CALN1: variants seen among roughly 807,000 people sequenced by gnomAD.
The protein encoded by CALN1 is calneuron 1.
CALN1 carries 17 observed loss-of-function variants against 30.6 expected under a neutral mutation model. That is an observed-to-expected ratio of 0.56 (90% confidence interval 0.38 to 0.83). The LOEUF (loss-of-function observed/expected upper bound fraction) is 0.83. Ranked by LOEUF, CALN1 falls within the 40% of genes least tolerant of loss-of-function variation. The pLI, the probability that CALN1 is intolerant of heterozygous loss-of-function variation, is 0.00. For synonymous variants in CALN1, 156 were observed against 131.4 expected, an observed-to-expected ratio of 1.19 and a Z score of -1.28; for missense variants, 291 against 354.9, an observed-to-expected ratio of 0.82 and a Z score of 1.45.
At chr7:72,359,394 G>A (rs572933155) in intron 2 of CALN1, among the ~76,000 whole-genome samples, 154 of 152,132 alleles carry the variant, frequency 1.0e-3, no homozygotes, top group Non-Finnish European at 1.6e-3. Flanking sequence ...ACTTTCTTGC[G>A]TTTCTTTCCA....
chr7:72,185,351 A>G (rs1015801630), intron 3 of CALN1, among the ~76,000 whole-genome samples: 8 of 152,184 alleles, frequency 5.3e-5, no homozygotes, highest in African/African-American at 1.9e-4. Context: ...GAATGAGCTT[A>G]TAACAAACAG....
the CALN1 span, among the ~76,000 whole-genome samples, chr7:72,501,780 G>A: frequency 6.7e-6 from 1 of 149,686 alleles, no homozygotes; most frequent in Non-Finnish European, 1.5e-5. Flanking sequence ...GTGGTGGTGG[G>A]CGCCTGTAGT....
chr7:72,264,093 A>T (rs568609465), intron 3 of CALN1, among the ~76,000 whole-genome samples: 11 of 152,286 alleles, frequency 7.2e-5, no homozygotes, highest in African/African-American at 2.6e-4. Context: ...CCGAGCCAAA[A>T]CTAATTGGTT....
At position 71,790,822 on chromosome 7, in the gene CALN1, A is replaced by T. The variant is rs1379962424; in HGVS notation, c.659-2920T>A. ...CTAGACATCCACTCGGGAGTTTCTG[A>T]TTCAGTAGGCCCGGAGTAGGATGGA... On this transcript the variant is annotated intron_variant, in intron 6 of 6. Coordinates refer to ENST00000395275, the MANE Select transcript of CALN1 (RefSeq NM_031468.4). 2.6e-5 allele frequency among the ~76,000 whole-genome samples: 4 copies of T among 152,110 alleles called. No homozygotes were observed. In the East Asian group the frequency reaches 7.7e-4, roughly 29 times the overall value.
At chr7:72,028,087 A>T (rs1195627059) in intron 4 of CALN1, among the ~76,000 whole-genome samples, 1 of 133,186 alleles carries the variant, frequency 7.5e-6, no homozygotes, top group Non-Finnish European at 1.6e-5. Context: ...AAAAAAAAAC[A>T]CATGAGACCT....
chr7:72,270,185 A>G lies in CALN1; in HGVS notation c.244+8501T>C, dbSNP rs574481581. ...AAATGTTAAAAAGTAAGCCAGGCAC[A>G]ATGGATCATGCCTATAATCCCAACT... On this transcript the variant is annotated intron_variant, in intron 3 of 6. Coordinates refer to ENST00000395275, the MANE Select transcript of CALN1 (RefSeq NM_031468.4). Among the ~76,000 whole-genome samples, 23 of 152,168 alleles carry G rather than the reference A, an allele frequency of 1.5e-4. 1 individual carries two copies. Among genetic ancestry groups the G allele is most frequent in the Admixed American group, 1.5e-3 (23 of 15,252 alleles).
intron 2 of CALN1, among the ~76,000 whole-genome samples, chr7:72,375,384 A>G (rs1804496108): frequency 6.6e-6 from 1 of 151,898 alleles, no homozygotes; most frequent in African/African-American, 2.4e-5. Context: ...GCAACATAGT[A>G]AGACCCTGGC....
chr7:71,840,968 A>C (rs1380970113), intron 5 of CALN1, among the ~76,000 whole-genome samples: 5 of 152,146 alleles, frequency 3.3e-5, no homozygotes, highest in Admixed American at 6.5e-5. Flanking sequence ...AAAAAAAAAA[A>C]ACCTTTTTAA....
chr7:72,263,892 G>A (rs1281497566), intron 3 of CALN1, among the ~76,000 whole-genome samples: 3 of 152,068 alleles, frequency 2.0e-5, no homozygotes, highest in Admixed American at 2.0e-4. Flanking sequence ...CCAAATTAAT[G>A]TCCTCCTGCA....
intron 2 of CALN1, among the ~76,000 whole-genome samples, chr7:72,345,589 A>G (rs1372227111): frequency 6.6e-6 from 1 of 151,678 alleles, no homozygotes; most frequent in Non-Finnish European, 1.5e-5. Flanking sequence ...AAGGAAAGGA[A>G]GAAAAAGCAA....
At position 72,403,299 on chromosome 7, in the gene CALN1, C is replaced by G. The variant is rs767109176; in HGVS notation, c.71G>C (p.Gly24Ala). 1.0e-5 allele frequency: 16 copies of G among 1,550,490 alleles called. No individual in the cohort carries two copies. Among genetic ancestry groups the G allele is most frequent in the Non-Finnish European group, 1.3e-5 (15 of 1,147,076 alleles). ...NEKKGDGGAL[G>A]GGEEPPRSQA... ...GCTCCTCGGCGGCTCCTCTCCCCCT[C>G]CGAGGGCTCCTCCGTCCCCCTTTTT... The change falls in exon 2 of 7, where the codon GGA (glycine) becomes GCA (alanine). Residue 24 changes from glycine to alanine, a missense_variant. Coordinates refer to ENST00000395275, the MANE Select transcript of CALN1 (RefSeq NM_031468.4).
intron 3 of CALN1, among the ~76,000 whole-genome samples, chr7:72,116,871 G>A (rs940084076): frequency 1.3e-5 from 2 of 152,186 alleles, no homozygotes; most frequent in Non-Finnish European, 2.9e-5. Context: ...CTGAGAAAGT[G>A]CCCGAGGTAG....
rs1328228311 is a variant in CALN1, at chr7:72,104,221, CT to C, written c.388+1929del. 8 of 152,754 alleles carry C rather than the reference CT, an allele frequency of 5.2e-5. No homozygotes were observed. In the East Asian group the frequency reaches 1.5e-3, roughly 30 times the overall value. 9.5% of individuals were successfully genotyped at this position (152,754 alleles called of 1,614,324 possible). ...GAAGAACATACAACACATGAGCCCT[CT>C]GGTCTTGGGTTAGGACCTCCGTCTG... On this transcript the variant is annotated intron_variant, in intron 4 of 6. Transcript: ENST00000395275.
chr7:71,875,149 A>G (rs1202888070), intron 5 of CALN1, among the ~76,000 whole-genome samples: 1 of 119,818 alleles, frequency 8.3e-6, no homozygotes, highest in Non-Finnish European at 1.6e-5. Flanking sequence ...TGGGTAAAGG[A>G]GACTCTGTCT....
intron 3 of CALN1, among the ~76,000 whole-genome samples, chr7:72,184,633 G>T (rs1790054050): frequency 1.3e-5 from 2 of 152,106 alleles, no homozygotes; most frequent in South Asian, 4.1e-4. Flanking sequence ...AGTGATGAGT[G>T]ATTTTCTGGT....
At chr7:72,169,931 G>A (rs1788818381) in intron 3 of CALN1, among the ~76,000 whole-genome samples, 1 of 152,010 alleles carries the variant, frequency 6.6e-6, no homozygotes, top group Non-Finnish European at 1.5e-5. Context: ...GACCTCAGGT[G>A]ATCCACCTGC....
At chr7:71,796,609 C>T (rs1225423828) in intron 6 of CALN1, among the ~76,000 whole-genome samples, 2 of 151,770 alleles carry the variant, frequency 1.3e-5, no homozygotes, top group African/African-American at 2.4e-5. Context: ...CCACCTGCCT[C>T]GGCCTCCCAA....
At chr7:72,043,521 T>C (rs1802263376) in intron 4 of CALN1, among the ~76,000 whole-genome samples, 2 of 151,960 alleles carry the variant, frequency 1.3e-5, no homozygotes, top group Admixed American at 1.3e-4. Flanking sequence ...ATAATCCCAA[T>C]AAGTTGTGAG....
At chr7:71,984,238 G>A (rs565141373) in intron 5 of CALN1, among the ~76,000 whole-genome samples, 1 of 152,264 alleles carries the variant, frequency 6.6e-6, no homozygotes, top group Non-Finnish European at 1.5e-5. Context: ...GCAGAAGTGT[G>A]AAATGATTGG....
Sources: allele counts gnomAD v4.1 joint callset (sites outside exome capture counted in the v4.1 genomes callset), GRCh38; gene constraint gnomAD v4.1.1; transcripts MANE v1.5; gene names NCBI Gene and HGNC (gene_info 2026-07-23, HGNC 2026-07-21).